CCDC180: variants seen among roughly 807,000 people sequenced by gnomAD.
CCDC180 encodes coiled-coil domain containing 180.
Under a neutral mutation model 209.2 loss-of-function variants are expected in CCDC180, and 154 were observed. That is an observed-to-expected ratio of 0.74 (90% CI 0.65 to 0.84). The LOEUF (loss-of-function observed/expected upper bound fraction) is 0.84. Among genes scored for constraint, CCDC180 ranks in the 40% least tolerant of loss-of-function variants. The probability of loss-of-function intolerance (pLI) is 0.00; values close to 1 mark genes in which losing one functional copy is unlikely to be tolerated. For missense variants in CCDC180, 1,874 were observed against 1,997.3 expected, an observed-to-expected ratio of 0.94 and a Z score of 1.18; for synonymous variants, 778 against 749.1, an observed-to-expected ratio of 1.04 and a Z score of -0.63.
At position 97,377,360 on chromosome 9, in the gene CCDC180, T is replaced by C. The variant is rs988596083; in HGVS notation, c.*466T>C. 3 of 152,096 alleles carry C rather than the reference T, an allele frequency of 2.0e-5. No individual in the cohort carries two copies. The highest frequency in any genetic ancestry group is 7.3e-5 in the African/African-American group (3 of 41,352). The allele number at this position is 152,096 out of a possible 1,614,324, so 9.4% of individuals were successfully genotyped here. A position where few individuals can be genotyped will look rare whatever the true frequency, so the allele number is the denominator to read the frequency against. On this transcript the variant is annotated 3_prime_UTR_variant, in exon 37 of 37. Transcript: ENST00000529487. ...ATGTTGATTGGTATTTGTGCCACAA[T>C]TTGTCTGAGCAAATTGCAATATTTT... is the stretch of plus-strand genomic sequence containing the variant.
chr9:97,362,295 A>G lies in CCDC180; in HGVS notation c.3756A>G (p.Ala1252=), dbSNP rs1826781858. 1.9e-6 allele frequency: 3 copies of G among 1,613,940 alleles called. No homozygotes were observed. The highest frequency in any genetic ancestry group is 1.7e-5 in the Admixed American group (1 of 59,990). ...WACGSRGSSE[A]GAGGAVCSPP... ...GTGGGTCTCGGGGCAGCAGTGAGGC[A>G]GGGGCTGGTGGTGCTGTGTGCTCAC... Residue 1252 remains alanine (A), a synonymous_variant, in exon 28 of 37, where the codon GCA becomes GCG. Coordinates refer to ENST00000529487, the MANE Select transcript of CCDC180 (RefSeq NM_020893.6).
intron 11 of CCDC180, among the ~76,000 whole-genome samples, chr9:97,322,053 G>A (rs1317188789): frequency 6.6e-6 from 1 of 152,178 alleles, no homozygotes; most frequent in Non-Finnish European, 1.5e-5. Context: ...ATGTCAGGGG[G>A]CGCAAATGGC....
chr9:97,307,638 T>A, upstream of CCDC180: 1 of 1,165,042 alleles, frequency 8.6e-7, no homozygotes, highest in Non-Finnish European at 1.3e-6. Flanking sequence ...GCATTAGAGT[T>A]CCAGTCCCAA....
intron 29 of CCDC180, chr9:97,364,343 C>T: frequency 2.0e-6 from 1 of 503,988 alleles, no homozygotes; most frequent in Non-Finnish European, 3.5e-6. Context: ...TCACATTTTC[C>T]AAGCTAACAA....
At chr9:97,351,581 A>G (rs755867506) in intron 22 of CCDC180, among the ~76,000 whole-genome samples, 1 of 152,206 alleles carries the variant, frequency 6.6e-6, no homozygotes, top group African/African-American at 2.4e-5. Flanking sequence ...TCTTTTGATC[A>G]TTAGAGCATA....
Position 97,370,660 on chromosome 9 carries a change from T to G in CCDC180, c.4370T>G (p.Leu1457Arg), listed in dbSNP as rs1396451131. The G allele has an allele frequency of 1.2e-6, 2 of 1,613,580 alleles. No individual in the cohort carries two copies. The highest frequency in any genetic ancestry group is 8.5e-7 in the Non-Finnish European group (1 of 1,179,922). ...EKRKDKNAQK[L>R]HLNLGHPVHF... ...TTAAAGGACAAAAATGCCCAGAAGC[T>G]CCATCTAAATCTTGGACACCCCGTA... The change falls in exon 33 of 37, where the codon CTC (leucine) becomes CGC (arginine). Residue 1457 changes from leucine to arginine, a missense_variant. Transcript: ENST00000529487.
At chr9:97,340,619 G>T (rs1465037749) in intron 18 of CCDC180, among the ~76,000 whole-genome samples, 1 of 152,200 alleles carries the variant, frequency 6.6e-6, no homozygotes, top group Non-Finnish European at 1.5e-5. Context: ...ACAGTGCAAA[G>T]TGACCAGAAG....
chr9:97,360,570 A>T (rs142291504), intron 26 of CCDC180, among the ~76,000 whole-genome samples: 171 of 152,140 alleles, frequency 1.1e-3, no homozygotes, highest in Middle Eastern at 3.4e-3. Context: ...TGGTCAGACC[A>T]TGTCACTTCC....
At chr9:97,354,786 G>GC (rs1298424064) in intron 23 of CCDC180, 73 bp downstream of exon 23, 91 of 1,593,994 alleles carry the variant, frequency 5.7e-5, no homozygotes, top group Non-Finnish European at 7.4e-5. Context: ...TGAAGGGAGG[G>GC]CCAAGCCCTC....
At chr9:97,330,088 AAGG>A in intron 16 of CCDC180, 63 bp from the exon 17 acceptor site, 2 of 1,150,026 alleles carry the variant, frequency 1.7e-6, no homozygotes, top group Non-Finnish European at 2.5e-6. Context: ...AAAAAAAAAA[AAGG>A]TGGGGGGCAC....
Position 97,314,902 on chromosome 9 carries a change from C to A in CCDC180, c.751C>A (p.Leu251Ile), listed in dbSNP as rs2118556324. The A allele has an allele frequency of 6.2e-7, 1 of 1,614,126 alleles. No homozygotes were observed. Among genetic ancestry groups the A allele is most frequent in the East Asian group, 2.2e-5 (1 of 44,884 alleles). Residue 251 changes from leucine (L) to isoleucine (I), a missense_variant, in exon 8 of 37, where the codon CTC becomes ATC. Leu to Ile is a conservative substitution (Grantham distance 5, BLOSUM62 2). Transcript: ENST00000529487. The stretch of plus-strand genomic sequence containing the variant: ...AGAAGTCATAGAGAAAACTTCCTAC[C>A]TCATGCGGCCCGAAGTGTACAGGCT... ...YAEVIEKTSYLMRPEVYRLIN... is the reference protein window; with the variant it reads ...YAEVIEKTSYIMRPEVYRLIN...
chr9:97,324,153 T>C (rs1388393595), intron 13 of CCDC180, among the ~76,000 whole-genome samples: 7 of 152,310 alleles, frequency 4.6e-5, no homozygotes, highest in Non-Finnish European at 8.8e-5. Flanking sequence ...CTGGCCATTG[T>C]TGACCCTGGG....
chr9:97,363,405 T>G (rs1370953972), intron 28 of CCDC180: 1 of 268,146 alleles, frequency 3.7e-6, no homozygotes, highest in Admixed American at 3.6e-5. Context: ...GGAGATAAGG[T>G]GGGGGTGGCC....
In CCDC180 at chr9:97,320,229, A is replaced by G. The variant is rs777336056; in HGVS notation, c.1159+24A>G. On this transcript the variant is annotated intron_variant, in intron 11 of 36. Coordinates refer to ENST00000529487, the MANE Select transcript of CCDC180 (RefSeq NM_020893.6). ...AGGTGAGTGACGTCTGCAGGACTCCACCTGCATTTCTCCAGAACTGTTTAA... is the reference window on the plus strand; with the variant it reads ...AGGTGAGTGACGTCTGCAGGACTCCGCCTGCATTTCTCCAGAACTGTTTAA... The G allele has an allele frequency of 2.5e-6, 4 of 1,589,110 alleles. No homozygotes were observed. In the East Asian group the frequency reaches 6.7e-5, roughly 27 times the overall value.
Position 97,366,831 on chromosome 9 carries a change from A to G in CCDC180, c.4189+131A>G. On this transcript the variant is annotated intron_variant, in intron 31 of 36. Transcript: ENST00000529487. This position sits in a 1 kb window ranked among gnomAD's most constrained non-coding sequence, Gnocchi z 4.3. Reference sequence around the variant, plus strand: ...AGAAGAGCTTCCCTGTGAAAAGCTGACCTCTTAAAATTAGGTAAAAACAAT... The same window carrying G: ...AGAAGAGCTTCCCTGTGAAAAGCTGGCCTCTTAAAATTAGGTAAAAACAAT... The G allele has an allele frequency of 1.1e-6, 1 of 923,284 alleles. No individual in the cohort carries two copies. The highest frequency in any genetic ancestry group is 2.5e-5 in the South Asian group (1 of 40,182). The allele number at this position is 923,284 out of a possible 1,614,324, so 57.2% of individuals were successfully genotyped here. A position where few individuals can be genotyped will look rare whatever the true frequency, so the allele number is the denominator to read the frequency against.
At chr9:97,363,418 C>T in intron 28 of CCDC180, 1 of 285,994 alleles carries the variant, frequency 3.5e-6, no homozygotes, top group East Asian at 7.5e-5. Context: ...GGGTGGCCTT[C>T]TGGGTAGGTT....
At position 97,362,239 on chromosome 9, in the gene CCDC180, C is replaced by T; in HGVS notation, c.3700C>T (p.Pro1234Ser). The T allele has an allele frequency of 1.2e-6, 2 of 1,613,978 alleles. No homozygotes were observed. Among genetic ancestry groups the T allele is most frequent in the Admixed American group, 1.7e-5 (1 of 60,014 alleles). Residue 1234 changes from proline to serine, a missense_variant, in exon 28 of 37, where the codon CCG becomes TCG. By Grantham distance (74) the Pro-to-Ser change is moderately conservative. Coordinates refer to ENST00000529487, the MANE Select transcript of CCDC180 (RefSeq NM_020893.6). ...KWPTHHCDKDPSQTGRGAWAC... is the reference protein window; with the variant it reads ...KWPTHHCDKDSSQTGRGAWAC... Reference sequence around the variant, plus strand: ...GCCAACCCACCATTGTGACAAAGATCCGTCCCAGACAGGTAGAGGCGCATG... The same window carrying T: ...GCCAACCCACCATTGTGACAAAGATTCGTCCCAGACAGGTAGAGGCGCATG...
At position 97,370,007 on chromosome 9, in the gene CCDC180, GAA is replaced by G. The variant is rs1308078491; in HGVS notation, c.4279_4280del (p.Lys1427ValfsTer50). 1.9e-6 allele frequency: 3 copies of G among 1,614,040 alleles called. No individual in the cohort carries two copies. The highest frequency in any genetic ancestry group is 2.5e-6 in the Non-Finnish European group (3 of 1,180,040). On this transcript the variant is annotated frameshift_variant, in exon 32 of 37. Transcript: ENST00000529487. LOFTEE classifies it high-confidence loss of function. ...TGGAGAATTTCAAGGAACACCACTG[GAA>G]AAAGTTTTTCACCTCTGTGAAGGAG... ...VMENFKEHHW[K>X]KFFTSVKEIR...
intron 28 of CCDC180, 164 bp from the exon 29 acceptor site, chr9:97,363,887 T>C: frequency 1.6e-6 from 1 of 639,176 alleles, no homozygotes; most frequent in Non-Finnish European, 2.8e-6. Flanking sequence ...CTCACAGCTG[T>C]TGAGAAGGGA....
Sources: allele counts gnomAD v4.1 joint callset (sites outside exome capture counted in the v4.1 genomes callset), GRCh38; gene constraint gnomAD v4.1.1; non-coding constraint Gnocchi (gnomAD v3.1); transcripts MANE v1.5; gene names NCBI Gene and HGNC (gene_info 2026-07-23, HGNC 2026-07-21).